Variants in OXR1 observed in about 807,000 individuals in gnomAD.
OXR1 encodes oxidation resistance 1, also known as oxidation resistance protein 1.
In OXR1, 41 loss-of-function variants were observed where a neutral mutation model predicts 104.6. That is an observed-to-expected ratio of 0.39 (90% confidence interval 0.31 to 0.51). The LOEUF (loss-of-function observed/expected upper bound fraction) is 0.51, where lower values mean the gene tolerates loss of function less well. Among genes scored for constraint, OXR1 ranks in the 20% least tolerant of loss-of-function variants. The pLI, the probability that OXR1 is intolerant of heterozygous loss-of-function variation, is 0.77. For synonymous variants in OXR1, 348 were observed against 348.4 expected (o/e 1.00, Z 0.01); for missense variants, 955 against 1,031.9 (o/e 0.93, Z 1.02).
At chr8:106,467,935 C>G (rs1022735252) in intron 2 of OXR1, among the ~76,000 whole-genome samples, 1 of 151,618 alleles carries the variant, frequency 6.6e-6, no homozygotes, top group African/African-American at 2.4e-5. Context: ...TCCCAAATGG[C>G]CTGGGTGATT....
chr8:106,368,340 T>C (rs1337126595), intron 2 of OXR1, among the ~76,000 whole-genome samples: 1 of 152,184 alleles, frequency 6.6e-6, no homozygotes, highest in African/African-American at 2.4e-5. Flanking sequence ...TTTTAAGAGA[T>C]TCAACAAATC....
chr8:106,669,826 A>G (rs1417645502), intron 3 of OXR1, among the ~76,000 whole-genome samples: 1 of 152,134 alleles, frequency 6.6e-6, no homozygotes, highest in Non-Finnish European at 1.5e-5. Flanking sequence ...AAGGTTTTAT[A>G]CTGCTCTGTT....
At chr8:106,453,204 A>G (rs1232134410) in intron 2 of OXR1, among the ~76,000 whole-genome samples, 1 of 152,196 alleles carries the variant, frequency 6.6e-6, no homozygotes, top group East Asian at 1.9e-4. Context: ...TTTACTGCAC[A>G]TAATCACATT....
At chr8:106,746,392 T>C (rs1048063349) in intron 16 of OXR1, among the ~76,000 whole-genome samples, 1 of 64,652 alleles carries the variant, frequency 1.5e-5, no homozygotes, top group South Asian at 5.2e-4. Flanking sequence ...CTTTGTTTTT[T>C]ATTTGGTATC....
intron 2 of OXR1, among the ~76,000 whole-genome samples, chr8:106,413,504 A>C (rs1432170269): frequency 3.3e-5 from 5 of 152,148 alleles, no homozygotes; most frequent in African/African-American, 1.2e-4. Context: ...TGTTAAGATG[A>C]ATAAGAGCTA....
chr8:106,620,233 A>C (rs1238889295), intron 3 of OXR1, among the ~76,000 whole-genome samples: 1 of 152,138 alleles, frequency 6.6e-6, no homozygotes, highest in Non-Finnish European at 1.5e-5. Context: ...TTTGATTCTA[A>C]GATGTACATT....
intron 1 of OXR1, among the ~76,000 whole-genome samples, chr8:106,306,304 T>C (rs184474022): frequency 2.2e-4 from 33 of 152,260 alleles, no homozygotes; most frequent in Admixed American, 2.6e-4. Flanking sequence ...TTCATTCTTA[T>C]ATCATAATAC....
chr8:106,389,886 T>A (rs916455231), intron 2 of OXR1, among the ~76,000 whole-genome samples: 4 of 152,116 alleles, frequency 2.6e-5, no homozygotes, highest in African/African-American at 9.7e-5. Flanking sequence ...ACCCACATGT[T>A]GAAACCCTGT....
intron 2 of OXR1, among the ~76,000 whole-genome samples, chr8:106,509,465 G>C (rs1812378722): frequency 6.6e-6 from 1 of 152,184 alleles, no homozygotes; most frequent in Admixed American, 6.5e-5. Context: ...AATTCTTAAA[G>C]ATTGCTCCAA....
intron 2 of OXR1, among the ~76,000 whole-genome samples, chr8:106,501,238 C>G (rs1224928529): frequency 1.3e-5 from 2 of 152,156 alleles, no homozygotes; most frequent in Non-Finnish European, 2.9e-5. Context: ...ATCCTCCTGT[C>G]TCAGCTTGCC....
chr8:106,457,282 C>T (rs1820648979), intron 2 of OXR1, among the ~76,000 whole-genome samples: 1 of 152,192 alleles, frequency 6.6e-6, no homozygotes, highest in African/African-American at 2.4e-5. Flanking sequence ...TTTCCCTGTG[C>T]TCTCTAATGT....
At chr8:106,404,363 T>C (rs1818128600) in intron 2 of OXR1, among the ~76,000 whole-genome samples, 2 of 152,106 alleles carry the variant, frequency 1.3e-5, no homozygotes, top group South Asian at 2.1e-4. Flanking sequence ...ACTTACAGGA[T>C]CCCATTGTTT....
intron 3 of OXR1, among the ~76,000 whole-genome samples, chr8:106,628,929 C>T (rs192538821): frequency 3.9e-5 from 6 of 152,314 alleles, no homozygotes; most frequent in African/African-American, 1.2e-4. Flanking sequence ...TCTCTCTTTT[C>T]TCACAACTGC....
chr8:106,677,935 A>G (rs930252290), intron 3 of OXR1, among the ~76,000 whole-genome samples: 4 of 152,072 alleles, frequency 2.6e-5, no homozygotes, highest in Non-Finnish European at 4.4e-5. Flanking sequence ...GATGCTTGCC[A>G]TGTGTCAGGC....
At chr8:106,387,090 A>G (rs1029158198) in intron 2 of OXR1, among the ~76,000 whole-genome samples, 9 of 152,208 alleles carry the variant, frequency 5.9e-5, no homozygotes, top group African/African-American at 2.2e-4. Context: ...AGAAATTGTT[A>G]TGTAAGCTGG....
At chr8:106,497,143 T>C (rs1399196513) in intron 2 of OXR1, among the ~76,000 whole-genome samples, 1 of 152,232 alleles carries the variant, frequency 6.6e-6, no homozygotes, top group Non-Finnish European at 1.5e-5. Flanking sequence ...TCATATCCAC[T>C]AGAGCTGTTA....
chr8:106,564,436 C>T (rs75295963), intron 3 of OXR1, among the ~76,000 whole-genome samples: 4,715 of 151,406 alleles, frequency 0.031, 131 homozygotes, highest in African/African-American at 0.073. Flanking sequence ...CGCCCCACCA[C>T]GACTAAAATC....
At chr8:106,358,777 C>T (rs554389782) in intron 1 of OXR1, among the ~76,000 whole-genome samples, 5 of 151,786 alleles carry the variant, frequency 3.3e-5, no homozygotes, top group African/African-American at 9.7e-5. Flanking sequence ...GCTTATCTCC[C>T]CCATGTTAAT....
intron 2 of OXR1, among the ~76,000 whole-genome samples, chr8:106,383,319 A>G (rs1197837655): frequency 1.3e-5 from 2 of 152,084 alleles, no homozygotes; most frequent in African/African-American, 4.8e-5. Context: ...TGGTTTCTGG[A>G]TATCTAATTC....
Sources: allele counts gnomAD v4.1 joint callset (sites outside exome capture counted in the v4.1 genomes callset), GRCh38; gene constraint gnomAD v4.1.1; transcripts MANE v1.5; gene names NCBI Gene and HGNC (gene_info 2026-07-23, HGNC 2026-07-21).